The following KYNU variants were observed in gnomAD, a reference collection of about 807,000 sequenced individuals.
KYNU encodes kynureninase.
Under a neutral mutation model 59.2 loss-of-function variants are expected in KYNU, and 54 were observed. The observed-to-expected ratio is 0.91, with a 90% confidence interval of 0.73 to 1.14. KYNU has a LOEUF of 1.14. KYNU is among the 50% of genes most tolerant of loss of function. The pLI, the probability that KYNU is intolerant of heterozygous loss-of-function variation, is 0.00. For synonymous variants in KYNU, 177 were observed against 192.0 expected (o/e 0.92, Z 0.65); for missense variants, 567 against 554.4 (o/e 1.02, Z -0.23).
chr2:142,966,078 T>A (rs1684521471), intron 8 of KYNU, among the ~76,000 whole-genome samples: 1 of 152,148 alleles, frequency 6.6e-6, no homozygotes, highest in South Asian at 2.1e-4. Context: ...GAATCAAGAC[T>A]GTATGCCTAA....
At chr2:142,920,472 T>A (rs1290505914) in intron 3 of KYNU, among the ~76,000 whole-genome samples, 2 of 152,246 alleles carry the variant, frequency 1.3e-5, no homozygotes, top group African/African-American at 4.8e-5. Context: ...AAATATATTC[T>A]GCCCTGCTAT....
At chr2:142,989,333 T>C in intron 10 of KYNU, 1 of 1,011,492 alleles carries the variant, frequency 9.9e-7, no homozygotes, top group Non-Finnish European at 1.2e-6. Flanking sequence ...TACTTTTCTG[T>C]TCTCTTAGAG....
chr2:142,906,214 C>T (rs1186676256), intron 2 of KYNU, among the ~76,000 whole-genome samples: 2 of 152,352 alleles, frequency 1.3e-5, no homozygotes, highest in East Asian at 3.9e-4. Flanking sequence ...CTTTAGTTTA[C>T]TCAATTTGCT....
At chr2:142,958,096 G>C in intron 7 of KYNU, 1 of 238,818 alleles carries the variant, frequency 4.2e-6, no homozygotes, top group East Asian at 1.2e-4. Context: ...AAATGGAATC[G>C]TGACTATATT....
intron 10 of KYNU, among the ~76,000 whole-genome samples, chr2:142,998,165 A>G (rs1165959546): frequency 6.6e-6 from 1 of 152,064 alleles, no homozygotes; most frequent in African/African-American, 2.4e-5. Context: ...TTTGATTTTT[A>G]ATTTTTGATG....
chr2:143,043,404 A>G lies in KYNU; in HGVS notation c.*1232A>G, dbSNP rs1158071461. On this transcript the variant is annotated 3_prime_UTR_variant, in exon 14 of 14. Coordinates refer to ENST00000264170, the MANE Select transcript of KYNU (RefSeq NM_003937.3). ...ATAGTGTAGATTTGTATACATAGTC[A>G]ACAAAAAGAGTGACATAATTATTGC... is the stretch of plus-strand genomic sequence containing the variant. 6.6e-6 allele frequency: 1 copy of G among 151,512 alleles called. No homozygotes were observed. The highest frequency in any genetic ancestry group is 1.5e-5 in the Non-Finnish European group (1 of 67,790). 9.4% of individuals were successfully genotyped at this position (151,512 alleles called of 1,614,324 possible).
rs767438174 is a variant in KYNU at position 143,054,372 on chromosome 2, T to C, written c.*12200T>C. 2 of 152,190 alleles carry C rather than the reference T, an allele frequency of 1.3e-5. No homozygotes were observed. The highest frequency in any genetic ancestry group is 2.4e-5 in the African/African-American group (1 of 41,444). The allele number at this position is 152,190 out of a possible 1,614,324, so 9.4% of individuals were successfully genotyped here. A position where few individuals can be genotyped will look rare whatever the true frequency, so the allele number is the denominator to read the frequency against. On this transcript the variant is annotated 3_prime_UTR_variant, in exon 14 of 14. Transcript: ENST00000264170. ...ATAAATACTCTACTTTGGAAAATTA[T>C]TCTTTATAGGAAATTACAGATAATA...
intron 2 of KYNU, among the ~76,000 whole-genome samples, chr2:142,898,457 C>A (rs181416628): frequency 1.9e-4 from 23 of 119,906 alleles, no homozygotes; most frequent in Admixed American, 1.8e-3. Context: ...AAGTTGTATT[C>A]CCTAGTTCAA....
intron 10 of KYNU, among the ~76,000 whole-genome samples, chr2:143,013,736 A>G (rs1686178157): frequency 6.6e-6 from 1 of 152,158 alleles, no homozygotes; most frequent in Admixed American, 6.5e-5. Context: ...CTGTTGGTTC[A>G]GCATTCTTTT....
At chr2:143,020,280 C>T (rs914934053) in intron 10 of KYNU, among the ~76,000 whole-genome samples, 3 of 151,972 alleles carry the variant, frequency 2.0e-5, no homozygotes, top group Admixed American at 2.0e-4. Context: ...ATAAACTTTC[C>T]TCTTGCACTG....
rs535067082 is a variant in KYNU at position 142,966,523 on chromosome 2, T to C, written c.729+5753T>C. Among the ~76,000 whole-genome samples, 19 of 152,332 alleles carry C rather than the reference T, an allele frequency of 1.2e-4. 1 individual carries two copies. In the South Asian group the frequency reaches 3.7e-3, roughly 30 times the overall value. ...GCTCAAGAACAGCTGTTAGTTTTGC[T>C]ACACCTGGAACTAGTTATTGTGTGT... is the stretch of plus-strand genomic sequence containing the variant. On this transcript the variant is annotated intron_variant, in intron 8 of 13. Coordinates refer to ENST00000264170, the MANE Select transcript of KYNU (RefSeq NM_003937.3).
chr2:142,918,855 G>A, intron 3 of KYNU, 126 bp downstream of exon 3: 1 of 1,118,134 alleles, frequency 8.9e-7, no homozygotes. Flanking sequence ...TGGCATCTGT[G>A]GAGGATTAGT....
chr2:142,890,011 T>G (rs1681659349), intron 2 of KYNU, among the ~76,000 whole-genome samples: 1 of 152,018 alleles, frequency 6.6e-6, no homozygotes, highest in South Asian at 2.1e-4. Flanking sequence ...TTTTCTATTC[T>G]TAGATGGTGC....
chr2:142,919,733 A>G (rs1165483344), intron 3 of KYNU, among the ~76,000 whole-genome samples: 1 of 152,116 alleles, frequency 6.6e-6, no homozygotes, highest in Admixed American at 6.5e-5. Context: ...CAAGAGTTTG[A>G]GACCAGCCTG....
At chr2:142,990,133 T>A (rs1424228875) in intron 10 of KYNU, 1 of 151,794 alleles carries the variant, frequency 6.6e-6, no homozygotes, top group African/African-American at 2.4e-5. Flanking sequence ...TTAACTTAGC[T>A]CATTGCAATG....
chr2:142,888,303 C>T (rs1681584686), intron 2 of KYNU, among the ~76,000 whole-genome samples: 1 of 151,972 alleles, frequency 6.6e-6, no homozygotes, highest in Non-Finnish European at 1.5e-5. Flanking sequence ...ACAAATAATA[C>T]AAAAATTAAT....
chr2:142,946,511 G>T (rs1683785802), intron 4 of KYNU, among the ~76,000 whole-genome samples: 1 of 152,206 alleles, frequency 6.6e-6, no homozygotes, highest in Non-Finnish European at 1.5e-5. Context: ...GGGCGACTAT[G>T]TGCATTGTCA....
intron 4 of KYNU, among the ~76,000 whole-genome samples, chr2:142,933,500 G>A (rs1197015804): frequency 6.6e-6 from 1 of 152,154 alleles, no homozygotes; most frequent in African/African-American, 2.4e-5. Context: ...AGAAAAGAGA[G>A]AGAATTTTTT....
At chr2:142,993,500 A>G (rs548828127) in intron 10 of KYNU, among the ~76,000 whole-genome samples, 11 of 152,062 alleles carry the variant, frequency 7.2e-5, no homozygotes, top group Non-Finnish European at 1.5e-4. Flanking sequence ...ACCCAAAAGT[A>G]GACACACCAC....
Sources: allele counts gnomAD v4.1 joint callset (sites outside exome capture counted in the v4.1 genomes callset), GRCh38; gene constraint gnomAD v4.1.1; transcripts MANE v1.5; gene names NCBI Gene and HGNC (gene_info 2026-07-23, HGNC 2026-07-21).